SEMA3A: variants seen among roughly 807,000 people sequenced by gnomAD.
The protein encoded by SEMA3A is semaphorin-3A.
In SEMA3A, 29 loss-of-function variants were observed where a neutral mutation model predicts 97.9. The ratio of observed to expected loss-of-function variants is 0.30; its 90% CI spans 0.22 to 0.40. The LOEUF (loss-of-function observed/expected upper bound fraction) is 0.40, where lower values mean the gene tolerates loss of function less well. SEMA3A is among the 10% of genes least tolerant of loss of function. SEMA3A has a pLI of 1.00. For synonymous variants in SEMA3A, 321 were observed against 323.7 expected, an observed-to-expected ratio of 0.99 and a Z score of 0.09; for missense variants, 763 against 951.3, an observed-to-expected ratio of 0.80 and a Z score of 2.60.
At chr7:84,099,175 A>G (rs1794873030) in intron 4 of SEMA3A, among the ~76,000 whole-genome samples, 1 of 72,228 alleles carries the variant, frequency 1.4e-5, no homozygotes, top group African/African-American at 3.5e-5. Flanking sequence ...GGTTCACGCC[A>G]TTCTCCTGCC....
chr7:84,342,928 C>A (rs188141364), intron 2 of SEMA3A, among the ~76,000 whole-genome samples: 78 of 152,216 alleles, frequency 5.1e-4, no homozygotes, highest in Admixed American at 1.6e-3. Flanking sequence ...CCTGATTGTG[C>A]TTAGTGTATT....
At chr7:84,359,099 A>C (rs1011261057) in intron 2 of SEMA3A, among the ~76,000 whole-genome samples, 2 of 152,052 alleles carry the variant, frequency 1.3e-5, no homozygotes, top group Admixed American at 6.6e-5. Flanking sequence ...GACAATTTGA[A>C]TTCCTCTTTT....
chr7:84,240,336 A>G (rs144099948), intron 3 of SEMA3A, among the ~76,000 whole-genome samples: 1 of 151,980 alleles, frequency 6.6e-6, no homozygotes, highest in East Asian at 1.9e-4. Flanking sequence ...GATATGATTA[A>G]GTTAACGATC....
intron 4 of SEMA3A, among the ~76,000 whole-genome samples, chr7:84,081,376 A>C (rs985837508): frequency 1.3e-5 from 2 of 152,096 alleles, no homozygotes; most frequent in African/African-American, 4.8e-5. Context: ...GCGGATCACG[A>C]GGTCAGGAGA....
At chr7:84,228,729 T>C (rs1054674021) in intron 3 of SEMA3A, among the ~76,000 whole-genome samples, 2 of 152,138 alleles carry the variant, frequency 1.3e-5, no homozygotes, top group Admixed American at 6.6e-5. Context: ...TTAAGTACCA[T>C]GTTCATTTGC....
In SEMA3A at chr7:84,263,855, C is replaced by T. The variant is rs112582380; in HGVS notation, c.-83+43352G>A. On this transcript the variant is annotated intron_variant, in intron 3 of 3. Transcript: ENST00000424555. Reference sequence around the variant, plus strand: ...CTTGGTCTTAAAAGGAAATAATGCACTCCAACCTAAATTATAATAACTGTT... The same window carrying T: ...CTTGGTCTTAAAAGGAAATAATGCATTCCAACCTAAATTATAATAACTGTT... Among the ~76,000 whole-genome samples, 14 of 152,232 alleles carry T rather than the reference C, an allele frequency of 9.2e-5. 2 individuals are homozygous for T. The highest frequency in any genetic ancestry group is 1.3e-4 in the Admixed American group (2 of 15,274).
At chr7:84,241,901 T>C (rs1234828231) in intron 3 of SEMA3A, among the ~76,000 whole-genome samples, 1 of 152,198 alleles carries the variant, frequency 6.6e-6, no homozygotes, top group Non-Finnish European at 1.5e-5. Flanking sequence ...TCTCCATTAC[T>C]TGTTTTTGTC....
At chr7:84,374,801 T>C (rs1425791187) in intron 1 of SEMA3A, among the ~76,000 whole-genome samples, 3 of 152,238 alleles carry the variant, frequency 2.0e-5, no homozygotes, top group African/African-American at 7.2e-5. Flanking sequence ...GAAGTAATTG[T>C]TTTTAAAGTA....
intron 4 of SEMA3A, among the ~76,000 whole-genome samples, chr7:84,101,940 T>C (rs1794970144): frequency 6.6e-6 from 1 of 151,902 alleles, no homozygotes; most frequent in Admixed American, 6.6e-5. Flanking sequence ...ATTGATTACA[T>C]ATTTAAATAA....
chr7:84,164,631 A>G (rs1797144355), intron 1 of SEMA3A, among the ~76,000 whole-genome samples: 1 of 152,162 alleles, frequency 6.6e-6, no homozygotes, highest in South Asian at 2.1e-4. Context: ...GGAGGTAGAT[A>G]TTATTATTAT....
In SEMA3A at chr7:84,344,870, A is replaced by G. The variant is rs144004494; in HGVS notation, c.-169+26954T>C. On this transcript the variant is annotated intron_variant, in intron 2 of 3. Transcript: ENST00000424555. ...TCAAAATTCAAAACATCACTTTGAG[A>G]AACAGTGTTAGGGAAACAATAAGGC... Among the ~76,000 whole-genome samples the G allele has an allele frequency of 2.9e-3, 445 of 152,316 alleles. 3 individuals carry two copies. The highest frequency in any genetic ancestry group is 9.9e-3 in the African/African-American group (411 of 41,576).
intron 6 of SEMA3A, among the ~76,000 whole-genome samples, chr7:84,039,260 T>C (rs1355463422): frequency 1.3e-5 from 2 of 152,094 alleles, no homozygotes; most frequent in Non-Finnish European, 2.9e-5. Flanking sequence ...ACCATAAATG[T>C]GTGGCAAATA....
chr7:84,089,272 G>T (rs139053634), intron 4 of SEMA3A, among the ~76,000 whole-genome samples: 1 of 152,002 alleles, frequency 6.6e-6, no homozygotes, highest in Non-Finnish European at 1.5e-5. Flanking sequence ...TGTTGTATAC[G>T]CACATATAAT....
At chr7:84,347,162 T>G (rs1228851861) in intron 2 of SEMA3A, among the ~76,000 whole-genome samples, 4 of 152,142 alleles carry the variant, frequency 2.6e-5, no homozygotes, top group Admixed American at 1.3e-4. Flanking sequence ...GATTGCCTCA[T>G]ACCCAGGGAA....
In SEMA3A at chr7:84,429,677, G is replaced by A. The variant is rs75902161; in HGVS notation, c.-245-57777C>T. Among the ~76,000 whole-genome samples, 1,850 of 150,140 alleles carry A rather than the reference G, an allele frequency of 0.012. 76 individuals carry two copies. The East Asian group carries it at 0.16, about 13-fold the overall frequency. Reference sequence around the variant, plus strand: ...CTAAAAATAGAAAGATAGAACCTCAGCATTTTAGGTGGGGGTAGGAGAGGA... The same window carrying A: ...CTAAAAATAGAAAGATAGAACCTCAACATTTTAGGTGGGGGTAGGAGAGGA... On this transcript the variant is annotated intron_variant, in intron 1 of 3. Coordinates refer to the SEMA3A transcript ENST00000424555.
chr7:84,474,191 AAC>A (rs1214099796), intron 1 of SEMA3A, among the ~76,000 whole-genome samples: 1 of 152,252 alleles, frequency 6.6e-6, no homozygotes, highest in African/African-American at 2.4e-5. Context: ...TGCTAGAGAA[AAC>A]AGTCTATTAT....
intron 3 of SEMA3A, among the ~76,000 whole-genome samples, chr7:84,262,686 A>T (rs896005594): frequency 1.3e-5 from 2 of 152,214 alleles, no homozygotes; most frequent in African/African-American, 4.8e-5. Context: ...TATGGGTGAC[A>T]AAAAAGCTTT....
chr7:84,276,862 T>C (rs1350147375), intron 3 of SEMA3A, among the ~76,000 whole-genome samples: 1 of 152,254 alleles, frequency 6.6e-6, no homozygotes, highest in East Asian at 1.9e-4. Context: ...ATTTATGAAA[T>C]TGTTCCTAGA....
intron 3 of SEMA3A, among the ~76,000 whole-genome samples, chr7:84,239,397 C>T (rs1799309375): frequency 6.6e-6 from 1 of 152,014 alleles, no homozygotes; most frequent in Non-Finnish European, 1.5e-5. Flanking sequence ...TGTAAGTAAT[C>T]CACTTTTTGT....
Sources: gnomAD v4.1 joint callset for allele counts (sites outside exome capture counted in the v4.1 genomes callset) on GRCh38, gnomAD v4.1.1 for gene constraint, MANE v1.5 for transcripts, NCBI Gene and HGNC (gene_info 2026-07-23, HGNC 2026-07-21) for gene names.